FSCN1: variants seen among roughly 807,000 people sequenced by gnomAD.
The protein encoded by FSCN1 is fascin actin-bundling protein 1.
Under a neutral mutation model 39.7 loss-of-function variants are expected in FSCN1, and 10 were observed. The observed-to-expected ratio is 0.25, with a 90% CI of 0.16 to 0.43. The LOEUF (loss-of-function observed/expected upper bound fraction) is 0.43, where lower values mean the gene tolerates loss of function less well. FSCN1 is among the 20% of genes least tolerant of loss of function. The pLI is 1.00. For missense variants in FSCN1, 525 were observed against 723.8 expected (o/e 0.73, Z 3.15); for synonymous variants, 322 against 320.0 (o/e 1.01, Z -0.07).
chr7:5,593,805 TG>T, intron 1 of FSCN1, 37 bp downstream of exon 1: 1 of 1,362,356 alleles, frequency 7.3e-7, no homozygotes, highest in South Asian at 1.3e-5. Context: ...TCCTGGTCCG[TG>T]CACAAAGCGC....
At chr7:5,597,616 G>A (rs542540177) in intron 1 of FSCN1, among the ~76,000 whole-genome samples, 1 of 151,682 alleles carries the variant, frequency 6.6e-6, no homozygotes, top group Non-Finnish European at 1.5e-5. Flanking sequence ...GCAGTGAGCC[G>A]AGATCGCACC....
chr7:5,603,310 C>T lies in FSCN1; in HGVS notation c.886C>T (p.Leu296=), dbSNP rs1397779650. Residue 296 remains leucine (L), a synonymous_variant, in exon 2 of 5, where the codon CTG becomes TTG. Transcript: ENST00000382361. The surrounding 1 kb of genome is among the most constrained non-coding windows in gnomAD (Gnocchi z 8.5). ...GGAGACCGACCAGGAGACCTTCCAG[C>T]TGGAGATCGACCGCGACACCAAAAA... ...DEETDQETFQ[L]EIDRDTKKCA... is the part of the protein sequence containing the mutation. The T allele has an allele frequency of 2.2e-5, 36 of 1,613,238 alleles. No individual in the cohort carries two copies. Among genetic ancestry groups the T allele is most frequent in the Non-Finnish European group, 2.7e-5 (32 of 1,180,030 alleles).
intron 1 of FSCN1, among the ~76,000 whole-genome samples, chr7:5,595,541 G>T (rs1411591355): frequency 6.6e-6 from 1 of 152,222 alleles, no homozygotes; most frequent in Admixed American, 6.5e-5. Flanking sequence ...CAGGTTATTA[G>T]ATGGCTGAGT....
rs1785876662 is a variant in FSCN1 at position 5,603,707 on chromosome 7, C to A, written c.1111+90C>A. The stretch of plus-strand genomic sequence containing the variant: ...GTCACTTGGTAGCCCCAGCCAAGGC[C>A]TGCTCTGTGCTGGGCATCCCCCCGG... On this transcript the variant is annotated intron_variant, in intron 3 of 4. Transcript: ENST00000382361. The surrounding 1 kb of genome is among the most constrained non-coding windows in gnomAD (Gnocchi z 8.5). 6.4e-7 allele frequency: 1 copy of A among 1,570,328 alleles called. No individual in the cohort carries two copies.
At chr7:5,604,271 G>A (rs1785889135) in intron 4 of FSCN1, among the ~76,000 whole-genome samples, 1 of 151,914 alleles carries the variant, frequency 6.6e-6, no homozygotes, top group African/African-American at 2.4e-5. Flanking sequence ...GGTGTGTGGA[G>A]GGGAGAGCAG....
chr7:5,603,912 G>A lies in FSCN1; in HGVS notation c.1161G>A (p.Val387=). 1.2e-6 allele frequency: 2 copies of A among 1,614,076 alleles called. No individual in the cohort carries two copies. Among genetic ancestry groups the A allele is most frequent in the South Asian group, 1.1e-5 (1 of 91,086 alleles). The change falls in exon 4 of 5, where the codon GTG becomes GTA. Residue 387 remains valine (V), a synonymous_variant. Transcript: ENST00000382361. This position sits in a 1 kb window ranked among gnomAD's most constrained non-coding sequence, Gnocchi z 8.5. ...LMKLINRPII[V]FRGEHGFIGC... is the part of the protein sequence containing the mutation. The stretch of plus-strand genomic sequence containing the variant: ...AGCTCATCAACCGCCCCATCATCGT[G>A]TTCCGCGGGGAGCATGGCTTCATCG...
At chr7:5,596,242 C>G (rs1161615208) in intron 1 of FSCN1, among the ~76,000 whole-genome samples, 2 of 151,844 alleles carry the variant, frequency 1.3e-5, no homozygotes, top group Non-Finnish European at 2.9e-5. Context: ...TGCTGGGGAA[C>G]GCCAGCCAGG....
chr7:5,602,394 T>G (rs1172743403), intron 1 of FSCN1, among the ~76,000 whole-genome samples: 3 of 152,040 alleles, frequency 2.0e-5, no homozygotes, highest in Non-Finnish European at 4.4e-5. Flanking sequence ...TTATTTTAAT[T>G]TTTACATAGA....
At chr7:5,594,877 C>T (rs1421857485) in intron 1 of FSCN1, 1 of 152,292 alleles carries the variant, frequency 6.6e-6, no homozygotes, top group Non-Finnish European at 1.5e-5. Context: ...TCGATCCGTC[C>T]CCTCCGGGGC....
At position 5,592,841 on chromosome 7, in the gene FSCN1, G is replaced by A. The variant is rs1183525220; in HGVS notation, c.-96G>A. ...GTGGAGCGCTGCGGAGGGTGCGTGC[G>A]GGCCGCGGCAGCCGAACAAAGGAGC... is the stretch of plus-strand genomic sequence containing the variant. On this transcript the variant is annotated 5_prime_UTR_variant, in exon 1 of 5. Coordinates refer to ENST00000382361, the MANE Select transcript of FSCN1 (RefSeq NM_003088.4). The surrounding 1 kb of genome is among the most constrained non-coding windows in gnomAD (Gnocchi z 5.3). 1.6e-5 allele frequency: 11 copies of A among 700,784 alleles called. No homozygotes were observed. The highest frequency in any genetic ancestry group is 4.2e-4 in the Middle Eastern group (1 of 2,408). The allele number at this position is 700,784 out of a possible 1,614,324, so 43.4% of individuals were successfully genotyped here.
chr7:5,597,959 GA>G, intron 1 of FSCN1, among the ~76,000 whole-genome samples: 1 of 150,340 alleles, frequency 6.7e-6, no homozygotes, highest in Non-Finnish European at 1.5e-5. Context: ...GAAAAATCCT[GA>G]AGAAAACACT....
intron 1 of FSCN1, among the ~76,000 whole-genome samples, chr7:5,595,732 G>A (rs1226576317): frequency 2.0e-5 from 3 of 152,186 alleles, no homozygotes; most frequent in Non-Finnish European, 4.4e-5. Context: ...TCTGGGCCAC[G>A]GGACCTTGGG....
In FSCN1 at chr7:5,603,224, C is replaced by T. The variant is rs1417524643; in HGVS notation, c.833-33C>T. On this transcript the variant is annotated intron_variant, in intron 1 of 4. Coordinates refer to ENST00000382361, the MANE Select transcript of FSCN1 (RefSeq NM_003088.4). The surrounding 1 kb of genome is among the most constrained non-coding windows in gnomAD (Gnocchi z 8.5). The stretch of plus-strand genomic sequence containing the variant: ...TCTGCCAGAACTAGGGGGCGTGGGG[C>T]CCCAGTACCAGCCCAAGGCCTCCTC... 2.5e-6 allele frequency: 4 copies of T among 1,609,660 alleles called. No homozygotes were observed. Among genetic ancestry groups the T allele is most frequent in the Middle Eastern group, 2.3e-4 (1 of 4,442 alleles).
chr7:5,604,618 A>G (rs1218426635), intron 4 of FSCN1, among the ~76,000 whole-genome samples: 20 of 146,674 alleles, frequency 1.4e-4, no homozygotes, highest in African/African-American at 5.1e-4. Flanking sequence ...ACAGGTGTGC[A>G]CCACCACGCC....
intron 1 of FSCN1, among the ~76,000 whole-genome samples, chr7:5,596,960 G>A (rs1162787238): frequency 2.0e-5 from 3 of 152,170 alleles, no homozygotes; most frequent in African/African-American, 7.2e-5. Flanking sequence ...ACAAGCCAGG[G>A]GCATCTGGGG....
chr7:5,594,720 C>T (rs1409360134), intron 1 of FSCN1: 1 of 152,142 alleles, frequency 6.6e-6, no homozygotes, highest in Non-Finnish European at 1.5e-5. Context: ...CGCGCGTCTC[C>T]AGGCCGGTGC....
rs1448567461 is a variant in FSCN1 at position 5,605,107 on chromosome 7, T to C, written c.1280-165T>C. On this transcript the variant is annotated intron_variant, in intron 4 of 4. Coordinates refer to ENST00000382361, the MANE Select transcript of FSCN1 (RefSeq NM_003088.4). The surrounding 1 kb of genome is among the most constrained non-coding windows in gnomAD (Gnocchi z 6.9). ...TCTAGGACCCTTGTTCATGTGTCCA[T>C]CATGGACAGGAGGACGTGCGGGCCA... Among the ~76,000 whole-genome samples, 11 of 152,184 alleles carry C rather than the reference T, an allele frequency of 7.2e-5. No homozygotes were observed. Among genetic ancestry groups the C allele is most frequent in the Admixed American group, 7.2e-4 (11 of 15,278 alleles).
At chr7:5,598,782 C>T (rs916486858) in intron 1 of FSCN1, among the ~76,000 whole-genome samples, 1 of 152,192 alleles carries the variant, frequency 6.6e-6, no homozygotes, top group Non-Finnish European at 1.5e-5. Context: ...AGGAGGCTGT[C>T]CTCTTACCTG....
At chr7:5,593,916 C>T in intron 1 of FSCN1, 148 bp downstream of exon 1, 1 of 609,550 alleles carries the variant, frequency 1.6e-6, no homozygotes, top group South Asian at 2.0e-5. Flanking sequence ...ACGCGGGCTA[C>T]CCCGCCTGGA....
Sources: gnomAD v4.1 joint callset for allele counts (sites outside exome capture counted in the v4.1 genomes callset) on GRCh38, gnomAD v4.1.1 for gene constraint, Gnocchi (gnomAD v3.1) non-coding constraint, MANE v1.5 for transcripts, NCBI Gene and HGNC (gene_info 2026-07-23, HGNC 2026-07-21) for gene names.